Variants in BDKRB2 observed in about 807,000 individuals in gnomAD.
BDKRB2 encodes the protein B2 bradykinin receptor.
BDKRB2 carries 6 observed loss-of-function variants against 4.0 expected under a neutral mutation model. The ratio of observed to expected loss-of-function variants is 1.49; its 90% CI spans 0.81 to 2.93. The LOEUF (loss-of-function observed/expected upper bound fraction) is 2.93. Ranked by LOEUF, BDKRB2 falls within the 30% of genes most tolerant of loss-of-function variation. BDKRB2 has a pLI of 0.00. For synonymous variants in BDKRB2, 225 were observed against 215.3 expected, an observed-to-expected ratio of 1.05 and a Z score of -0.40; for missense variants, 478 against 520.1, an observed-to-expected ratio of 0.92 and a Z score of 0.79.
chr14:96,209,510 A>G (rs1364666830), intron 1 of BDKRB2, among the ~76,000 whole-genome samples: 1 of 152,164 alleles, frequency 6.6e-6, no homozygotes, highest in Non-Finnish European at 1.5e-5. Flanking sequence ...ATTCAAAGGG[A>G]AAAAAGCAGG....
chr14:96,205,595 G>A (rs1459950442), intron 1 of BDKRB2, among the ~76,000 whole-genome samples: 1 of 152,196 alleles, frequency 6.6e-6, no homozygotes, highest in Admixed American at 6.5e-5. Context: ...GGCTGACCAG[G>A]GCAGGGGGAT....
In BDKRB2 at chr14:96,240,528, T is replaced by C. The variant is rs1461241929; in HGVS notation, c.200T>C (p.Leu67Pro). The change falls in exon 3 of 3, where the codon CTG (leucine) becomes CCG (proline). Residue 67 changes from leucine (L) to proline (P), a missense_variant. Physicochemically the swap from Leu to Pro is moderately conservative, Grantham distance 98. Transcript: ENST00000554311. ...NTIQPPFLWV[L>P]FVLATLENIF... The stretch of plus-strand genomic sequence containing the variant: ...ATCCAGCCCCCCTTCCTCTGGGTGC[T>C]GTTCGTGCTGGCCACCCTAGAGAAC... 1.3e-6 allele frequency: 2 copies of C among 1,582,750 alleles called. No individual in the cohort carries two copies. Among genetic ancestry groups the C allele is most frequent in the East Asian group, 4.5e-5 (2 of 44,600 alleles).
Position 96,241,740 on chromosome 14 carries a change from T to C in BDKRB2, c.*236T>C, listed in dbSNP as rs1885300082. 1.6e-5 allele frequency: 8 copies of C among 512,322 alleles called. No individual in the cohort carries two copies. The South Asian group carries it at 5.3e-4, about 34-fold the overall frequency. The allele number at this position is 512,322 out of a possible 1,614,324, so 31.7% of individuals were successfully genotyped here. A position where few individuals can be genotyped will look rare whatever the true frequency, so the allele number is the denominator to read the frequency against. On this transcript the variant is annotated 3_prime_UTR_variant, in exon 3 of 3. Coordinates refer to ENST00000554311, the MANE Select transcript of BDKRB2 (RefSeq NM_001379692.1). Reference sequence around the variant, plus strand: ...GACTCCAAAATCACAACAGCATTACTGTTCTTATTTGCTGCCACACCTGAG... The same window carrying C: ...GACTCCAAAATCACAACAGCATTACCGTTCTTATTTGCTGCCACACCTGAG...
chr14:96,216,200 A>G (rs1442685989), intron 1 of BDKRB2, among the ~76,000 whole-genome samples: 2 of 152,186 alleles, frequency 1.3e-5, no homozygotes, highest in Non-Finnish European at 2.9e-5. Flanking sequence ...CCAGGGCCCC[A>G]CATATAGCCT....
chr14:96,239,381 G>C (rs1377617152), intron 2 of BDKRB2: 2 of 985,450 alleles, frequency 2.0e-6, no homozygotes, highest in Non-Finnish European at 2.4e-6. Context: ...ACACAGCTAG[G>C]AGTGGAACTC....
rs1296185234 is a variant in BDKRB2 at position 96,204,910 on chromosome 14, C to A, written c.-89C>A. 9.6e-6 allele frequency: 3 copies of A among 313,148 alleles called. No homozygotes were observed. Among genetic ancestry groups the A allele is most frequent in the Non-Finnish European group, 1.9e-5 (3 of 154,550 alleles). 19.4% of individuals were successfully genotyped at this position (313,148 alleles called of 1,614,324 possible). ...GGACGGTGGGGACATCAGGCTGCCC[C>A]GCAGTACCAGGGAGCGACTGAAGTG... On this transcript the variant is annotated 5_prime_UTR_variant, in exon 1 of 3. Transcript: ENST00000554311.
chr14:96,213,222 T>G (rs1334899543), intron 1 of BDKRB2, among the ~76,000 whole-genome samples: 2 of 152,196 alleles, frequency 1.3e-5, no homozygotes, highest in Non-Finnish European at 2.9e-5. Context: ...AGCTGGTTTA[T>G]TCCTTCCTCC....
At position 96,242,752 on chromosome 14, in the gene BDKRB2, C is replaced by T. The variant is rs199724175; in HGVS notation, c.*1248C>T. On this transcript the variant is annotated 3_prime_UTR_variant, in exon 3 of 3. Coordinates refer to ENST00000554311, the MANE Select transcript of BDKRB2 (RefSeq NM_001379692.1). ...TCACAGTGCTGAGACCCCCCACCAC[C>T]AGCCGGTACCTGGGAAGGGGGAGAG... 6.6e-6 allele frequency: 1 copy of T among 152,366 alleles called. No individual in the cohort carries two copies. 9.4% of individuals were successfully genotyped at this position (152,366 alleles called of 1,614,324 possible).
chr14:96,232,123 C>A (rs117113042), intron 1 of BDKRB2, among the ~76,000 whole-genome samples: 1 of 152,176 alleles, frequency 6.6e-6, no homozygotes, highest in Non-Finnish European at 1.5e-5. Flanking sequence ...CTAAAGCAGA[C>A]GGGCCTCCTG....
At chr14:96,228,941 G>A (rs916032605) in intron 1 of BDKRB2, among the ~76,000 whole-genome samples, 3 of 152,170 alleles carry the variant, frequency 2.0e-5, no homozygotes, top group African/African-American at 4.8e-5. Context: ...AGGTTGCCTC[G>A]CTGACTCTGC....
chr14:96,232,869 C>A (rs1288240960), intron 1 of BDKRB2, among the ~76,000 whole-genome samples: 2 of 152,172 alleles, frequency 1.3e-5, no homozygotes, highest in African/African-American at 2.4e-5. Context: ...AAGTTGACAT[C>A]CGAAGGAAAA....
At position 96,241,130 on chromosome 14, in the gene BDKRB2, G is replaced by A; in HGVS notation, c.802G>A (p.Ala268Thr). 1 of 1,612,900 alleles carries A rather than the reference G, an allele frequency of 6.2e-7. No homozygotes were observed. The change falls in exon 3 of 3, where the codon GCC becomes ACC. Residue 268 changes from alanine (A) to threonine (T), a missense_variant. By Grantham distance (58) the Ala-to-Thr change is moderately conservative. Transcript: ENST00000554311. ...KFKEIQTERR[A>T]TVLVLVVLLL... ...CAAGGAGATCCAGACAGAGAGGAGG[G>A]CCACGGTGCTAGTCCTGGTTGTGCT...
At chr14:96,235,998 G>A (rs937760172) in intron 1 of BDKRB2, among the ~76,000 whole-genome samples, 1 of 152,126 alleles carries the variant, frequency 6.6e-6, no homozygotes, top group Admixed American at 6.5e-5. Context: ...ACCCATCTGC[G>A]CCTTGTTTCC....
intron 1 of BDKRB2, among the ~76,000 whole-genome samples, chr14:96,207,763 A>G (rs1005780233): frequency 2.0e-5 from 3 of 152,082 alleles, no homozygotes; most frequent in Non-Finnish European, 4.4e-5. Flanking sequence ...GTGAATCTAA[A>G]ACTGCTCTTT....
intron 1 of BDKRB2, among the ~76,000 whole-genome samples, chr14:96,207,468 G>A (rs1890213406): frequency 6.6e-6 from 1 of 152,176 alleles, no homozygotes; most frequent in Non-Finnish European, 1.5e-5. Context: ...AGGGAGGAGA[G>A]AATGGGAGGA....
chr14:96,209,572 A>T (rs977153153), intron 1 of BDKRB2, among the ~76,000 whole-genome samples: 1 of 152,248 alleles, frequency 6.6e-6, no homozygotes, highest in Non-Finnish European at 1.5e-5. Flanking sequence ...AGAGGCAAGC[A>T]GTTGCACCCC....
chr14:96,239,112 T>G, intron 2 of BDKRB2: 1 of 976,206 alleles, frequency 1.0e-6, no homozygotes, highest in Non-Finnish European at 1.2e-6. Context: ...TCCATGAGCC[T>G]GACTATCAGT....
intron 1 of BDKRB2, among the ~76,000 whole-genome samples, chr14:96,213,295 G>T (rs888251734): frequency 1.3e-5 from 2 of 152,116 alleles, no homozygotes; most frequent in African/African-American, 2.4e-5. Flanking sequence ...TCCCCACAAG[G>T]AGCTGAGAGC....
chr14:96,219,076 G>A (rs1347122216), intron 1 of BDKRB2, among the ~76,000 whole-genome samples: 1 of 151,952 alleles, frequency 6.6e-6, no homozygotes, highest in Non-Finnish European at 1.5e-5. Flanking sequence ...GGCCAAGGCA[G>A]GGATCACTTG....
Sources: allele counts gnomAD v4.1 joint callset (sites outside exome capture counted in the v4.1 genomes callset), GRCh38; gene constraint gnomAD v4.1.1; transcripts MANE v1.5; gene names NCBI Gene and HGNC (gene_info 2026-07-23, HGNC 2026-07-21).